The following CELF2 variants were observed in gnomAD, a reference collection of about 807,000 sequenced individuals.
CELF2 encodes CUGBP Elav-like family member 2.
A neutral mutation model predicts 62.6 loss-of-function variants in CELF2; 8 were observed. The observed-to-expected ratio is 0.13, with a 90% CI of 0.07 to 0.23. CELF2 has a LOEUF of 0.23. Among genes scored for constraint, CELF2 ranks in the 10% least tolerant of loss-of-function variants. CELF2 has a pLI of 1.00. For synonymous variants in CELF2, 258 were observed against 250.0 expected (o/e 1.03, Z -0.30); for missense variants, 333 against 671.0 (o/e 0.50, Z 5.56).
chr10:10,861,860 C>T (rs2060062476), intron 1 of CELF2, among the ~76,000 whole-genome samples: 1 of 152,166 alleles, frequency 6.6e-6, no homozygotes, highest in East Asian at 1.9e-4. Flanking sequence ...AGACAAAGGC[C>T]CTTGACTTTC....
chr10:10,892,434 C>T (rs1217672185), intron 1 of CELF2, among the ~76,000 whole-genome samples: 4 of 152,154 alleles, frequency 2.6e-5, no homozygotes, highest in African/African-American at 9.7e-5. Context: ...GCATGAGACT[C>T]TTCAGATCCC....
intron 2 of CELF2, among the ~76,000 whole-genome samples, chr10:10,989,543 C>G (rs1160380231): frequency 3.3e-5 from 5 of 151,582 alleles, no homozygotes; most frequent in African/African-American, 1.2e-4. Context: ...CACCATGAAC[C>G]AAAATACATC....
chr10:10,557,960 T>C, the CELF2 span, among the ~76,000 whole-genome samples: 2 of 139,688 alleles, frequency 1.4e-5, no homozygotes, highest in Non-Finnish European at 3.1e-5. Flanking sequence ...TTTCTAGATA[T>C]ACAATCATGT....
chr10:11,109,131 C>T (rs556099311), intron 1 of CELF2, among the ~76,000 whole-genome samples: 4 of 152,282 alleles, frequency 2.6e-5, no homozygotes, highest in East Asian at 1.9e-4. Context: ...TAGATGTTTA[C>T]GGCCCTCAGA....
At chr10:10,730,098 A>C in the CELF2 span, among the ~76,000 whole-genome samples, 4 of 152,214 alleles carry the variant, frequency 2.6e-5, no homozygotes, top group Non-Finnish European at 5.9e-5. Context: ...ACATCAATAA[A>C]ATTTACTAGG....
chr10:10,651,416 C>G, the CELF2 span, among the ~76,000 whole-genome samples: 1 of 143,836 alleles, frequency 7.0e-6, no homozygotes, highest in Non-Finnish European at 1.5e-5. Context: ...CCTCTGGGGG[C>G]AGGGCACAGA....
intron 1 of CELF2, among the ~76,000 whole-genome samples, chr10:11,132,772 A>G (rs541951285): frequency 1.3e-5 from 2 of 152,378 alleles, no homozygotes; most frequent in African/African-American, 4.8e-5. Context: ...AGGGTATCAT[A>G]GAAAGCAAAA....
At chr10:11,174,524 A>T (rs946983032) in intron 2 of CELF2, among the ~76,000 whole-genome samples, 1 of 152,370 alleles carries the variant, frequency 6.6e-6, no homozygotes, top group South Asian at 2.1e-4. Flanking sequence ...GACAGTGATC[A>T]GTTTGAAGAA....
chr10:10,476,686 A>G, the CELF2 span, among the ~76,000 whole-genome samples: 1 of 152,142 alleles, frequency 6.6e-6, no homozygotes, highest in Non-Finnish European at 1.5e-5. Flanking sequence ...GAAAATATAA[A>G]TTTATTTCTT....
the CELF2 span, among the ~76,000 whole-genome samples, chr10:10,656,867 A>G: frequency 4.0e-4 from 60 of 151,674 alleles, no homozygotes; most frequent in Non-Finnish European, 6.9e-4. Context: ...AACTTAAAGT[A>G]TAATTAAAAA....
chr10:10,824,345 A>G (rs2057214293), intron 1 of CELF2, among the ~76,000 whole-genome samples: 1 of 152,134 alleles, frequency 6.6e-6, no homozygotes, highest in Admixed American at 6.5e-5. Flanking sequence ...GTTTCCTAGA[A>G]TTTTCCATTT....
chr10:11,289,350 G>A (rs570882129), intron 9 of CELF2, among the ~76,000 whole-genome samples: 3 of 151,926 alleles, frequency 2.0e-5, no homozygotes, highest in Non-Finnish European at 4.4e-5. Flanking sequence ...TATCAGCTGC[G>A]CCCCAAGGAT....
At chr10:10,617,855 A>G in the CELF2 span, among the ~76,000 whole-genome samples, 1 of 152,010 alleles carries the variant, frequency 6.6e-6, no homozygotes, top group South Asian at 2.1e-4. Context: ...TCTAATTTAC[A>G]TTAACATTCC....
rs143577509 is a variant in CELF2 at position 11,050,195 on chromosome 10, G to A, written c.74+32032G>A. 5.5e-3 allele frequency among the ~76,000 whole-genome samples: 840 copies of A among 152,292 alleles called. 4 individuals are homozygous for A. The highest frequency in any genetic ancestry group is 8.4e-3 in the Non-Finnish European group (570 of 68,014). ...GTTAATGAGCCACAGAAAATGTGGC[G>A]TTCTAAGAAGAGAACAGTATTTGTG... On this transcript the variant is annotated intron_variant, in intron 1 of 12. Coordinates refer to ENST00000633077, the MANE Select transcript of CELF2 (RefSeq NM_001326342.2).
At chr10:10,661,300 A>G in the CELF2 span, among the ~76,000 whole-genome samples, 1 of 152,230 alleles carries the variant, frequency 6.6e-6, no homozygotes, top group African/African-American at 2.4e-5. Flanking sequence ...TCTCTCAGCA[A>G]GATATCATTG....
chr10:10,795,239 C>CT (rs10551602), upstream of CELF2, among the ~76,000 whole-genome samples: 428 of 134,740 alleles, frequency 3.2e-3, no homozygotes, highest in East Asian at 3.3e-3. Flanking sequence ...ATGGATTCAA[C>CT]TTTTTTTTTT....
chr10:10,550,927 A>T, the CELF2 span, among the ~76,000 whole-genome samples: 6 of 151,012 alleles, frequency 4.0e-5, no homozygotes, highest in African/African-American at 4.9e-5. Flanking sequence ...CTAACTCCCA[A>T]CCTCAGGTGA....
the CELF2 span, among the ~76,000 whole-genome samples, chr10:10,744,213 T>C: frequency 1.3e-5 from 2 of 152,166 alleles, no homozygotes; most frequent in African/African-American, 2.4e-5. Flanking sequence ...CACACTCTCT[T>C]CTACACACAA....
At chr10:10,769,248 G>A in the CELF2 span, among the ~76,000 whole-genome samples, 3 of 152,020 alleles carry the variant, frequency 2.0e-5, no homozygotes, top group Non-Finnish European at 2.9e-5. Flanking sequence ...GGCATTTCTC[G>A]CATCCAAGTT....
Sources: gnomAD v4.1 joint callset for allele counts (sites outside exome capture counted in the v4.1 genomes callset) on GRCh38, gnomAD v4.1.1 for gene constraint, MANE v1.5 for transcripts, NCBI Gene and HGNC (gene_info 2026-07-23, HGNC 2026-07-21) for gene names.